The following FRMD5 variants were observed in gnomAD, a reference collection of about 807,000 sequenced individuals.
The protein encoded by FRMD5 is FERM domain containing 5.
A neutral mutation model predicts 69.0 loss-of-function variants in FRMD5; 20 were observed. The ratio of observed to expected loss-of-function variants is 0.29; its 90% CI spans 0.20 to 0.42. The LOEUF is 0.42. Among genes scored for constraint, FRMD5 ranks in the 10% least tolerant of loss-of-function variants. The pLI is 1.00. For missense variants in FRMD5, 595 were observed against 708.6 expected (o/e 0.84, Z 1.82); for synonymous variants, 271 against 260.1 (o/e 1.04, Z -0.40).
At chr15:44,154,040 T>C (rs919891220) in intron 1 of FRMD5, among the ~76,000 whole-genome samples, 2 of 152,260 alleles carry the variant, frequency 1.3e-5, no homozygotes, top group East Asian at 1.9e-4. Flanking sequence ...GAAAAAATGT[T>C]GACGGGTGCA....
At chr15:43,904,423 G>C (rs2918946) in intron 6 of FRMD5, among the ~76,000 whole-genome samples, 41,669 of 151,978 alleles carry the variant, frequency 0.27, 10,823 homozygotes, top group African/African-American at 0.68. Flanking sequence ...GGCTGGCATG[G>C]AGTGGTGCAA....
intron 1 of FRMD5, among the ~76,000 whole-genome samples, chr15:43,957,803 T>C (rs1026758737): frequency 6.6e-6 from 1 of 152,242 alleles, no homozygotes; most frequent in Non-Finnish European, 1.5e-5. Flanking sequence ...AGTCTGCTTT[T>C]ATTCTTAATC....
At chr15:43,935,617 TAGAG>T (rs1323538232) in intron 1 of FRMD5, among the ~76,000 whole-genome samples, 2 of 152,092 alleles carry the variant, frequency 1.3e-5, no homozygotes, top group African/African-American at 2.4e-5. Flanking sequence ...TGCAGTGTGA[TAGAG>T]AGAGCAAACA....
intron 1 of FRMD5, among the ~76,000 whole-genome samples, chr15:43,973,659 C>T (rs1297446723): frequency 1.3e-5 from 2 of 152,088 alleles, no homozygotes; most frequent in Non-Finnish European, 2.9e-5. Context: ...TGAACCACTG[C>T]TCCTGGTCAC....
intron 8 of FRMD5, among the ~76,000 whole-genome samples, chr15:43,890,568 C>T (rs544634199): frequency 2.0e-5 from 3 of 152,324 alleles, no homozygotes; most frequent in South Asian, 4.1e-4. Flanking sequence ...AGACCCCACA[C>T]TAGGAGGGCT....
At chr15:43,906,646 G>C (rs1452435359) in intron 5 of FRMD5, among the ~76,000 whole-genome samples, 1 of 151,960 alleles carries the variant, frequency 6.6e-6, no homozygotes, top group Non-Finnish European at 1.5e-5. Flanking sequence ...CTGTAGCCCA[G>C]GCTGGAGTGC....
At position 43,871,956 on chromosome 15, in the gene FRMD5, TC is replaced by T. The variant is rs1412343083; in HGVS notation, c.*1928del. The T allele has an allele frequency of 1.3e-5, 2 of 152,168 alleles. No homozygotes were observed. Among genetic ancestry groups the T allele is most frequent in the Non-Finnish European group, 2.9e-5 (2 of 68,022 alleles). The allele number at this position is 152,168 out of a possible 1,614,324, so 9.4% of individuals were successfully genotyped here. A position where few individuals can be genotyped will look rare whatever the true frequency, so the allele number is the denominator to read the frequency against. ...TCTTCTGCTAACATACTGGTAAGGA[TC>T]AGTTTTATTGTCTAGAGCAGGATTG... is the stretch of plus-strand genomic sequence containing the variant. On this transcript the variant is annotated 3_prime_UTR_variant, in exon 14 of 14. Transcript: ENST00000417257.
At chr15:44,073,795 T>C (rs1010679503) in intron 1 of FRMD5, among the ~76,000 whole-genome samples, 2 of 152,192 alleles carry the variant, frequency 1.3e-5, no homozygotes, top group Non-Finnish European at 2.9e-5. Flanking sequence ...ATGACACCTA[T>C]TCATATGAAA....
chr15:44,186,576 G>A lies in FRMD5; in HGVS notation c.102+8377C>T, dbSNP rs76193144. Among the ~76,000 whole-genome samples the A allele has an allele frequency of 2.3e-3, 344 of 152,322 alleles. 8 individuals carry two copies. The East Asian group carries it at 0.057, about 25-fold the overall frequency. On this transcript the variant is annotated intron_variant, in intron 1 of 13. Transcript: ENST00000417257. ...ATTTGAGTGTGCCCTAGGGCATGCG[G>A]GTTTGATGTACCACTATTTATTTCA... is the stretch of plus-strand genomic sequence containing the variant.
chr15:43,929,922 C>G (rs1408165807), intron 1 of FRMD5, among the ~76,000 whole-genome samples: 1 of 152,222 alleles, frequency 6.6e-6, no homozygotes, highest in Non-Finnish European at 1.5e-5. Flanking sequence ...TGTAAAAGCA[C>G]TTTAATGTTA....
At chr15:44,081,907 TG>T (rs1453286930) in intron 1 of FRMD5, among the ~76,000 whole-genome samples, 1 of 151,832 alleles carries the variant, frequency 6.6e-6, no homozygotes, top group Non-Finnish European at 1.5e-5. Flanking sequence ...CAGAGGACAA[TG>T]AAGAAGAAAA....
intron 1 of FRMD5, among the ~76,000 whole-genome samples, chr15:43,944,310 C>A (rs993035687): frequency 1.3e-5 from 2 of 152,198 alleles, no homozygotes; most frequent in Non-Finnish European, 2.9e-5. Context: ...AGAAAGCCAC[C>A]AGTTCCATTC....
chr15:43,993,362 T>G (rs1454568634), intron 1 of FRMD5, among the ~76,000 whole-genome samples: 1 of 152,044 alleles, frequency 6.6e-6, no homozygotes, highest in Non-Finnish European at 1.5e-5. Context: ...CCGGCTAATT[T>G]TTTTGTATTT....
chr15:44,198,217 G>C (rs1402938268), upstream of FRMD5, among the ~76,000 whole-genome samples: 2 of 151,710 alleles, frequency 1.3e-5, no homozygotes, highest in Admixed American at 1.3e-4. Flanking sequence ...CCAGCTGCTG[G>C]GGAGGCTGAG....
At chr15:44,046,656 A>G (rs149990503) in intron 1 of FRMD5, among the ~76,000 whole-genome samples, 6 of 152,336 alleles carry the variant, frequency 3.9e-5, no homozygotes, top group African/African-American at 9.6e-5. Context: ...TTAAAATACA[A>G]TGTTGGTGTA....
chr15:43,940,012 A>G (rs1201888886), intron 1 of FRMD5, among the ~76,000 whole-genome samples: 2 of 152,154 alleles, frequency 1.3e-5, no homozygotes, highest in African/African-American at 2.4e-5. Context: ...CCCTGTGTCT[A>G]CTAAAAATAC....
At chr15:43,940,996 CTA>C (rs2089852496) in intron 1 of FRMD5, among the ~76,000 whole-genome samples, 2 of 152,152 alleles carry the variant, frequency 1.3e-5, no homozygotes, top group Admixed American at 6.5e-5. Context: ...TTGGCAAACC[CTA>C]TGTTTTAAAA....
At chr15:44,129,921 C>T (rs1028471342) in intron 1 of FRMD5, among the ~76,000 whole-genome samples, 1 of 152,174 alleles carries the variant, frequency 6.6e-6, no homozygotes, top group Non-Finnish European at 1.5e-5. Flanking sequence ...GCACATGGGT[C>T]AGCAAACTTT....
chr15:44,085,907 A>T (rs1894178837), intron 1 of FRMD5, among the ~76,000 whole-genome samples: 1 of 152,078 alleles, frequency 6.6e-6, no homozygotes, highest in Non-Finnish European at 1.5e-5. Flanking sequence ...AGACTTGAAG[A>T]CATTAAATAA....
Sources: allele counts gnomAD v4.1 joint callset (sites outside exome capture counted in the v4.1 genomes callset), GRCh38; gene constraint gnomAD v4.1.1; transcripts MANE v1.5; gene names NCBI Gene and HGNC (gene_info 2026-07-23, HGNC 2026-07-21).